IGDCC3: variants seen among roughly 807,000 people sequenced by gnomAD.
IGDCC3 encodes the protein putative neuronal cell adhesion molecule.
A neutral mutation model predicts 72.0 loss-of-function variants in IGDCC3; 47 were observed. The observed-to-expected ratio is 0.65, with a 90% CI of 0.52 to 0.83. The LOEUF (loss-of-function observed/expected upper bound fraction) is 0.83. IGDCC3 is among the 40% of genes least tolerant of loss of function. IGDCC3 has a pLI of 0.00. For synonymous variants in IGDCC3, 477 were observed against 472.8 expected (o/e 1.01, Z -0.11); for missense variants, 1,038 against 1,091.3 (o/e 0.95, Z 0.69).
chr15:65,333,525 C>T, intron 5 of IGDCC3, 110 bp from the exon 6 acceptor site: 3 of 1,076,288 alleles, frequency 2.8e-6, no homozygotes, highest in Non-Finnish European at 3.9e-6. Flanking sequence ...TCTAGGGAGC[C>T]CCAGTCTTTG....
intron 2 of IGDCC3, among the ~76,000 whole-genome samples, chr15:65,361,886 C>T (rs1042077340): frequency 3.9e-5 from 6 of 152,134 alleles, no homozygotes; most frequent in Admixed American, 6.5e-5. Flanking sequence ...CCGCGGCCGC[C>T]GCACTCTGCC....
intron 2 of IGDCC3, among the ~76,000 whole-genome samples, chr15:65,367,543 A>T (rs1031432684): frequency 1.3e-5 from 2 of 151,842 alleles, no homozygotes; most frequent in African/African-American, 4.8e-5. Context: ...ATAAAATAAA[A>T]TAAAATAAAA....
At position 65,370,586 on chromosome 15, in the gene IGDCC3, A is replaced by ATG. The variant is rs1292743669; in HGVS notation, c.409+4509_409+4510dup. Among the ~76,000 whole-genome samples the ATG allele has an allele frequency of 1.3e-3, 156 of 123,150 alleles. 1 individual carries two copies. Among genetic ancestry groups the ATG allele is most frequent in the African/African-American group, 4.4e-3 (141 of 32,208 alleles). The allele number at this position is 123,150 out of a possible 152,430, so 80.8% of individuals were successfully genotyped here. A position where few individuals can be genotyped will look rare whatever the true frequency, so the allele number is the denominator to read the frequency against. ...TATATATATGTATGTATATATATGT[A>ATG]TGTATATATATGTATGTGTATATAT... On this transcript the variant is annotated intron_variant, in intron 2 of 13. Transcript: ENST00000327987.
At chr15:65,353,677 C>T (rs930375831) in intron 2 of IGDCC3, among the ~76,000 whole-genome samples, 2 of 152,168 alleles carry the variant, frequency 1.3e-5, no homozygotes, top group South Asian at 2.1e-4. Flanking sequence ...CCCACCAAAA[C>T]CAAAATGGCC....
chr15:65,336,320 C>T (rs1418734986), intron 2 of IGDCC3, among the ~76,000 whole-genome samples: 1 of 152,166 alleles, frequency 6.6e-6, no homozygotes, highest in East Asian at 1.9e-4. Flanking sequence ...CTCCCGAGCC[C>T]CACACCCCAC....
At position 65,331,147 on chromosome 15, in the gene IGDCC3, C is replaced by T. The variant is rs771332776; in HGVS notation, c.1464G>A (p.Leu488=). The T allele has an allele frequency of 1.2e-6, 2 of 1,614,098 alleles. No individual in the cohort carries two copies. The highest frequency in any genetic ancestry group is 2.2e-5 in the South Asian group (2 of 91,078). Residue 488 remains leucine, a synonymous_variant, in exon 9 of 14, where the codon CTG becomes CTA. Transcript: ENST00000327987. ...KSTFQHLVSD[L]EPSTAYSFYI... ...AGAAACTGTAGGCTGTGGAGGGCTC[C>T]AGGTCGCTGACCAGGTGCTGAAAGG...
Position 65,329,194 on chromosome 15 carries a change from C to G in IGDCC3, c.2206-46G>C. 1 of 1,564,712 alleles carries G rather than the reference C, an allele frequency of 6.4e-7. No individual in the cohort carries two copies. The highest frequency in any genetic ancestry group is 1.2e-5 in the South Asian group (1 of 83,258). On this transcript the variant is annotated intron_variant, in intron 13 of 13. Transcript: ENST00000327987. The surrounding 1 kb of genome is among the most constrained non-coding windows in gnomAD (Gnocchi z 4.1). ...ACAGGCGTCAGCTTGAGGGCCAGGG[C>G]GCCAGGCTCCAACTCACCCCACTTG... is the stretch of plus-strand genomic sequence containing the variant.
intron 2 of IGDCC3, among the ~76,000 whole-genome samples, chr15:65,368,145 CT>C (rs2091299742): frequency 4.0e-5 from 5 of 125,148 alleles, no homozygotes; most frequent in Middle Eastern, 3.9e-3. Context: ...CTGTGGAAAA[CT>C]CTCTCTCTTT....
At position 65,329,963 on chromosome 15, in the gene IGDCC3, TCCCAAG is replaced by T; in HGVS notation, c.1859-105_1859-100del. Reference sequence around the variant, plus strand: ...CTCCTCTTCCTTCAGCTGCTCCCACTCCCAAGTGGGAGTGGGAACATCCTTTGACTT... The same window carrying T: ...CTCCTCTTCCTTCAGCTGCTCCCACTTGGGAGTGGGAACATCCTTTGACTT... On this transcript the variant is annotated intron_variant, in intron 11 of 13. Coordinates refer to ENST00000327987, the MANE Select transcript of IGDCC3 (RefSeq NM_004884.4). This position sits in a 1 kb window ranked among gnomAD's most constrained non-coding sequence, Gnocchi z 4.1. 4.5e-6 allele frequency: 6 copies of T among 1,330,382 alleles called. No individual in the cohort carries two copies. Among genetic ancestry groups the T allele is most frequent in the Non-Finnish European group, 6.4e-6 (6 of 943,062 alleles). 82.4% of individuals were successfully genotyped at this position (1,330,382 alleles called of 1,614,324 possible).
rs759592459 is a variant in IGDCC3, at chr15:65,333,447, G to A, written c.824-32C>T. On this transcript the variant is annotated intron_variant, in intron 5 of 13. Transcript: ENST00000327987. The stretch of plus-strand genomic sequence containing the variant: ...AGGAAGGGGAGGGGGGATGGGTGAG[G>A]GTCAGATAGAGATATGGAAGAAGGA... 7 of 1,560,420 alleles carry A rather than the reference G, an allele frequency of 4.5e-6. No homozygotes were observed. The Admixed American group carries it at 7.5e-5, about 17-fold the overall frequency.
At position 65,329,617 on chromosome 15, in the gene IGDCC3, TG is replaced by T. The variant is rs747233699; in HGVS notation, c.1998-21del. On this transcript the variant is annotated intron_variant, in intron 12 of 13. Coordinates refer to ENST00000327987, the MANE Select transcript of IGDCC3 (RefSeq NM_004884.4). The surrounding 1 kb of genome is among the most constrained non-coding windows in gnomAD (Gnocchi z 4.1). ...AGGACCCTAAGGGTTAGCCAAGAGT[TG>T]GGGGGAGGGAGAGAGAAAAGAGACA... 3 of 1,612,852 alleles carry T rather than the reference TG, an allele frequency of 1.9e-6. No individual in the cohort carries two copies. Among genetic ancestry groups the T allele is most frequent in the Admixed American group, 1.7e-5 (1 of 59,948 alleles).
intron 2 of IGDCC3, among the ~76,000 whole-genome samples, chr15:65,360,774 T>C (rs2091255213): frequency 6.6e-6 from 1 of 152,102 alleles, no homozygotes; most frequent in South Asian, 2.1e-4. Context: ...CTGGGCCCTT[T>C]CTTTCTTTTC....
Position 65,330,301 on chromosome 15 carries a change from T to G in IGDCC3, c.1850A>C (p.Glu617Ala), listed in dbSNP as rs780341872. 6.2e-7 allele frequency: 1 copy of G among 1,612,632 alleles called. No individual in the cohort carries two copies. The highest frequency in any genetic ancestry group is 8.5e-7 in the Non-Finnish European group (1 of 1,178,884). Residue 617 changes from glutamate to alanine, a missense_variant, in exon 11 of 14, where the codon GAG (glutamate) becomes GCG (alanine). By Grantham distance (107) the Glu-to-Ala change is moderately radical. Coordinates refer to ENST00000327987, the MANE Select transcript of IGDCC3 (RefSeq NM_004884.4). The stretch of plus-strand genomic sequence containing the variant: ...CCATCCCCAGCCCTCACCTGTCCTC[T>G]CAGATGCTCCCCTCAAAGACACAAA... ...VRFVSLRGAS[E>A]RTALSPPCDC...
chr15:65,329,142 G>T lies in IGDCC3; in HGVS notation c.2212C>A (p.Pro738Thr), dbSNP rs139839494. The T allele has an allele frequency of 5.6e-6, 9 of 1,605,278 alleles. No homozygotes were observed. Among genetic ancestry groups the T allele is most frequent in the Admixed American group, 1.7e-5 (1 of 58,004 alleles). Reference protein sequence around the residue: ...GQPDPRPTQDPAAPAPCEETQ... With the variant: ...GQPDPRPTQDTAAPAPCEETQ... ...TCCTCACACGGAGCGGGGGCTGCAGGATCCTGCTGGGGAAAGAGCCCGTCA... is the reference window on the plus strand; with the variant it reads ...TCCTCACACGGAGCGGGGGCTGCAGTATCCTGCTGGGGAAAGAGCCCGTCA... Residue 738 changes from proline to threonine, a missense_variant, in exon 14 of 14, where the codon CCT becomes ACT. By Grantham distance (38) the Pro-to-Thr change is conservative (BLOSUM62 -1). Coordinates refer to ENST00000327987, the MANE Select transcript of IGDCC3 (RefSeq NM_004884.4). This position sits in a 1 kb window ranked among gnomAD's most constrained non-coding sequence, Gnocchi z 4.1.
chr15:65,364,738 C>T (rs962939114), intron 2 of IGDCC3, among the ~76,000 whole-genome samples: 3 of 152,006 alleles, frequency 2.0e-5, no homozygotes, highest in Non-Finnish European at 1.5e-5. Context: ...AAAATTAGCC[C>T]GGCGTGGTAT....
chr15:65,360,707 G>A (rs2091254763), intron 2 of IGDCC3, among the ~76,000 whole-genome samples: 1 of 152,188 alleles, frequency 6.6e-6, no homozygotes, highest in Non-Finnish European at 1.5e-5. Flanking sequence ...ATTCAGCTCT[G>A]GCTCTGAAGC....
rs1250161608 is a variant in IGDCC3, at chr15:65,377,019, C to A, written c.103+667G>T. 6.6e-6 allele frequency among the ~76,000 whole-genome samples: 1 copy of A among 152,080 alleles called. No individual in the cohort carries two copies. The highest frequency in any genetic ancestry group is 1.5e-5 in the Non-Finnish European group (1 of 67,996). ...GCAAGGTCTCCGCGTGTGCACACTT[C>A]GGGGAAGGGCAGGGGCACGTGAGCA... On this transcript the variant is annotated intron_variant, in intron 1 of 13. Transcript: ENST00000327987. This position sits in a 1 kb window ranked among gnomAD's most constrained non-coding sequence, Gnocchi z 4.9.
intron 2 of IGDCC3, among the ~76,000 whole-genome samples, chr15:65,346,389 G>C (rs574994854): frequency 3.8e-4 from 58 of 152,308 alleles, no homozygotes; most frequent in African/African-American, 1.3e-3. Flanking sequence ...TTCCTGTTGT[G>C]GGGGGATTGG....
At chr15:65,357,566 T>C (rs578108666) in intron 2 of IGDCC3, among the ~76,000 whole-genome samples, 1 of 152,346 alleles carries the variant, frequency 6.6e-6, no homozygotes, top group African/African-American at 2.4e-5. Context: ...CAACACTTAT[T>C]GAGGGACCAA....
Sources: gnomAD v4.1 joint callset for allele counts (sites outside exome capture counted in the v4.1 genomes callset) on GRCh38, gnomAD v4.1.1 for gene constraint, Gnocchi (gnomAD v3.1) non-coding constraint, MANE v1.5 for transcripts, NCBI Gene and HGNC (gene_info 2026-07-23, HGNC 2026-07-21) for gene names.